TPX2: variants seen among roughly 807,000 people sequenced by gnomAD.
TPX2 encodes the protein TPX2 microtubule nucleation factor, also known as targeting protein for Xklp2.
TPX2 carries 21 observed loss-of-function variants against 93.6 expected under a neutral mutation model. The observed-to-expected ratio is 0.22, with a 90% CI of 0.16 to 0.32. The LOEUF is 0.32. Ranked by LOEUF, TPX2 falls within the 10% of genes least tolerant of loss-of-function variation. TPX2 has a pLI of 1.00. For synonymous variants in TPX2, 281 were observed against 298.3 expected, an observed-to-expected ratio of 0.94 and a Z score of 0.60; for missense variants, 776 against 871.1, an observed-to-expected ratio of 0.89 and a Z score of 1.37.
chr20:31,761,197 A>ATTT (rs764823436), intron 4 of TPX2, among the ~76,000 whole-genome samples: 18 of 130,684 alleles, frequency 1.4e-4, no homozygotes, highest in East Asian at 2.2e-4. Flanking sequence ...CCTTCAATTA[A>ATTT]TTTTTTTTTT....
At chr20:31,743,257 T>G (rs2061764017) in intron 2 of TPX2, among the ~76,000 whole-genome samples, 1 of 152,206 alleles carries the variant, frequency 6.6e-6, no homozygotes, top group Non-Finnish European at 1.5e-5. Flanking sequence ...TAAAATGATG[T>G]GTAGTATTTG....
intron 2 of TPX2, among the ~76,000 whole-genome samples, chr20:31,756,726 C>T (rs1377880613): frequency 6.6e-6 from 1 of 151,980 alleles, no homozygotes; most frequent in Non-Finnish European, 1.5e-5. Context: ...CAGGTTCAAG[C>T]GATTCTCCTG....
rs750298855 is a variant in TPX2 at position 31,796,993 on chromosome 20, CT to C, written c.1834-400del. On this transcript the variant is annotated intron_variant, in intron 15 of 17. Coordinates refer to ENST00000300403, the MANE Select transcript of TPX2 (RefSeq NM_012112.5). ...TTTATCATTTCTTTGTGTTTGGAAT[CT>C]TTTTTTTTTTAATTTAAAAGTAAAC... is the stretch of plus-strand genomic sequence containing the variant. 9.7e-4 allele frequency among the ~76,000 whole-genome samples: 141 copies of C among 144,664 alleles called. 1 individual carries two copies. Among genetic ancestry groups the C allele is most frequent in the Non-Finnish European group, 1.0e-3 (68 of 65,590 alleles). The allele number at this position is 144,664 out of a possible 152,430, so 94.9% of individuals were successfully genotyped here.
At chr20:31,752,324 T>A (rs1286625569) in intron 2 of TPX2, among the ~76,000 whole-genome samples, 12 of 152,200 alleles carry the variant, frequency 7.9e-5, no homozygotes, top group African/African-American at 2.9e-4. Context: ...TAGGAATCCC[T>A]CAGCAGATTC....
intron 2 of TPX2, among the ~76,000 whole-genome samples, chr20:31,757,070 ATACT>A (rs1568923431): frequency 6.6e-6 from 1 of 151,388 alleles, no homozygotes; most frequent in Non-Finnish European, 1.5e-5. Flanking sequence ...GTCAACTGTT[ATACT>A]TAGAGATAAT....
chr20:31,757,469 G>A lies in TPX2; in HGVS notation c.-8G>A, dbSNP rs751024172. 32 of 1,611,184 alleles carry A rather than the reference G, an allele frequency of 2.0e-5. No homozygotes were observed. The highest frequency in any genetic ancestry group is 2.5e-5 in the Non-Finnish European group (29 of 1,177,798). On this transcript the variant is annotated 5_prime_UTR_variant, in exon 3 of 18. Coordinates refer to ENST00000300403, the MANE Select transcript of TPX2 (RefSeq NM_012112.5). ...AAAAACCTGCTCTTCTGCGTTAAGT[G>A]GGAGACAATGTCACAAGTTAAAAGC... is the stretch of plus-strand genomic sequence containing the variant.
chr20:31,788,417 C>CA (rs11356550), intron 12 of TPX2, among the ~76,000 whole-genome samples: 3,300 of 68,070 alleles, frequency 0.048, 186 homozygotes, highest in African/African-American at 0.12. Context: ...GACTCTGTCT[C>CA]AAAAAAAAAA....
chr20:31,782,171 G>A, intron 10 of TPX2, 78 bp from the exon 11 acceptor site: 2 of 1,522,482 alleles, frequency 1.3e-6, no homozygotes, highest in Admixed American at 2.0e-5. Context: ...CCCTCTCTGG[G>A]CTACATAGGT....
rs189086357 is a variant in TPX2 at position 31,775,815 on chromosome 20, A to G, written c.609-52A>G. The G allele has an allele frequency of 1.8e-3, 2,609 of 1,414,022 alleles. 10 individuals are homozygous for G. The highest frequency in any genetic ancestry group is 0.01 in the Middle Eastern group (50 of 4,856). The allele number at this position is 1,414,022 out of a possible 1,614,324, so 87.6% of individuals were successfully genotyped here. A position where few individuals can be genotyped will look rare whatever the true frequency, so the allele number is the denominator to read the frequency against. ...TAATGCCTGTAGATTCTTTTGAGTC[A>G]CTGGGTGCCTTTCTCCTCTCCTCTC... On this transcript the variant is annotated intron_variant, in intron 7 of 17. Transcript: ENST00000300403.
chr20:31,775,995 T>G lies in TPX2; in HGVS notation c.730+7T>G. ...CTTGCTCTGGCTGGAATAGGTGAGC[T>G]TGGCTGTGGTTGAGTCTGATTCATG... On this transcript the variant is annotated splice_region_variant and intron_variant, in intron 8 of 17. Transcript: ENST00000300403. 1 of 1,500,314 alleles carries G rather than the reference T, an allele frequency of 6.7e-7. No individual in the cohort carries two copies. 92.9% of individuals were successfully genotyped at this position (1,500,314 alleles called of 1,614,324 possible).
At chr20:31,751,586 T>G (rs1192640257) in intron 2 of TPX2, among the ~76,000 whole-genome samples, 4 of 152,192 alleles carry the variant, frequency 2.6e-5, no homozygotes, top group Non-Finnish European at 5.9e-5. Context: ...AAGTAGCTTC[T>G]TATTTGATTA....
intron 15 of TPX2, among the ~76,000 whole-genome samples, chr20:31,795,057 G>A (rs1020180647): frequency 1.3e-5 from 2 of 152,034 alleles, no homozygotes; most frequent in Admixed American, 6.5e-5. Flanking sequence ...TCCTGACCTC[G>A]TGATCTGTCC....
chr20:31,784,368 A>G (rs1390305782), intron 12 of TPX2, among the ~76,000 whole-genome samples: 1 of 152,090 alleles, frequency 6.6e-6, no homozygotes, highest in Non-Finnish European at 1.5e-5. Context: ...TTTGACAACA[A>G]CCCCTTTAGG....
chr20:31,741,486 AT>A (rs11429328), intron 1 of TPX2, among the ~76,000 whole-genome samples: 10 of 144,234 alleles, frequency 6.9e-5, no homozygotes, highest in Admixed American at 2.1e-4. Flanking sequence ...TAATTTTTGT[AT>A]TTTTTTTTTG....
At chr20:31,761,254 T>A (rs1043117183) in intron 4 of TPX2, among the ~76,000 whole-genome samples, 5 of 146,958 alleles carry the variant, frequency 3.4e-5, no homozygotes. Context: ...CAGGCAGGAG[T>A]GCAGTGGTAT....
intron 12 of TPX2, among the ~76,000 whole-genome samples, chr20:31,791,393 C>T (rs1162762006): frequency 6.6e-6 from 1 of 152,172 alleles, no homozygotes; most frequent in African/African-American, 2.4e-5. Flanking sequence ...ACGCCAGTCT[C>T]CTGCCTCAGC....
intron 15 of TPX2, 47 bp from the exon 16 acceptor site, chr20:31,797,357 A>G: frequency 6.4e-7 from 1 of 1,565,698 alleles, no homozygotes; most frequent in Non-Finnish European, 8.8e-7. Context: ...GGTAGTGGTC[A>G]TAGAAAGGTG....
chr20:31,751,292 C>A (rs751337731), intron 2 of TPX2, among the ~76,000 whole-genome samples: 1 of 152,188 alleles, frequency 6.6e-6, no homozygotes, highest in Non-Finnish European at 1.5e-5. Flanking sequence ...ATTCCTGCCT[C>A]TTCCTTCCCC....
chr20:31,750,001 G>C (rs1024077249), intron 2 of TPX2, among the ~76,000 whole-genome samples: 1 of 151,844 alleles, frequency 6.6e-6, no homozygotes, highest in Non-Finnish European at 1.5e-5. Flanking sequence ...GCAGTGGCAC[G>C]ATCTTGGCTC....
Sources: gnomAD v4.1 joint callset for allele counts (sites outside exome capture counted in the v4.1 genomes callset) on GRCh38, gnomAD v4.1.1 for gene constraint, MANE v1.5 for transcripts, NCBI Gene and HGNC (gene_info 2026-07-23, HGNC 2026-07-21) for gene names.